The following PPM1L variants were observed in gnomAD, a reference collection of about 807,000 sequenced individuals.
PPM1L encodes the protein protein phosphatase 1L.
Under a neutral mutation model 31.4 loss-of-function variants are expected in PPM1L, and 13 were observed. The ratio of observed to expected loss-of-function variants is 0.41; its 90% CI spans 0.27 to 0.66. PPM1L has a LOEUF of 0.66. Ranked by LOEUF, PPM1L falls within the 30% of genes least tolerant of loss-of-function variation. PPM1L has a pLI of 0.29. For synonymous variants in PPM1L, 184 were observed against 175.4 expected (o/e 1.05, Z -0.39); for missense variants, 326 against 453.7 (o/e 0.72, Z 2.56).
chr3:160,782,646 C>T (rs904013732), intron 1 of PPM1L, among the ~76,000 whole-genome samples: 6 of 152,112 alleles, frequency 3.9e-5, no homozygotes, highest in Admixed American at 3.3e-4. Flanking sequence ...ACATGATTGA[C>T]TTTCTTAAAA....
At chr3:160,807,437 A>T (rs903755055) in intron 1 of PPM1L, among the ~76,000 whole-genome samples, 1 of 152,218 alleles carries the variant, frequency 6.6e-6, no homozygotes, top group Non-Finnish European at 1.5e-5. Context: ...TTTCAAGTGG[A>T]TTATTTTTCA....
chr3:160,867,900 A>T (rs981866888), intron 1 of PPM1L, among the ~76,000 whole-genome samples: 2 of 152,196 alleles, frequency 1.3e-5, no homozygotes, highest in Admixed American at 6.5e-5. Context: ...ATATTTTCAA[A>T]AACTATCAGA....
At chr3:160,760,024 C>G (rs113051481) in intron 1 of PPM1L, among the ~76,000 whole-genome samples, 1 of 152,128 alleles carries the variant, frequency 6.6e-6, no homozygotes, top group Admixed American at 6.5e-5. Context: ...TGGGGCAGCA[C>G]TATTCAAGGG....
At chr3:160,816,261 TTGTGTG>T (rs71147385) in intron 1 of PPM1L, among the ~76,000 whole-genome samples, 4,955 of 147,968 alleles carry the variant, frequency 0.033, 233 homozygotes, top group African/African-American at 0.11. Flanking sequence ...GCAGTTTCAT[TTGTGTG>T]TGTGTGTGTG....
chr3:160,892,689 G>A (rs760342710), intron 1 of PPM1L, among the ~76,000 whole-genome samples: 4 of 151,732 alleles, frequency 2.6e-5, no homozygotes, highest in East Asian at 1.9e-4. Flanking sequence ...AAAGAAATAC[G>A]TTATTTGGCT....
In PPM1L at chr3:160,804,921, G is replaced by A. The variant is rs368036374; in HGVS notation, c.399+48214G>A. On this transcript the variant is annotated intron_variant, in intron 1 of 3. Coordinates refer to ENST00000498165, the MANE Select transcript of PPM1L (RefSeq NM_139245.4). ...GTAAGGGATCTGCCTCCTTCCTCAC[G>A]TTTGGGAAATTGACCTTGGGGAGGA... is the stretch of plus-strand genomic sequence containing the variant. Among the ~76,000 whole-genome samples the A allele has an allele frequency of 1.1e-3, 166 of 152,308 alleles. 2 individuals carry two copies. The highest frequency in any genetic ancestry group is 2.8e-3 in the African/African-American group (118 of 41,546).
intron 1 of PPM1L, among the ~76,000 whole-genome samples, chr3:160,880,050 T>C (rs1712653305): frequency 6.6e-6 from 1 of 152,198 alleles, no homozygotes; most frequent in Non-Finnish European, 1.5e-5. Context: ...TAAAAAGTGC[T>C]ACCTGGTAGC....
At chr3:160,950,569 G>A (rs1576737062) in intron 1 of PPM1L, among the ~76,000 whole-genome samples, 3 of 152,124 alleles carry the variant, frequency 2.0e-5, no homozygotes, top group East Asian at 3.9e-4. Flanking sequence ...GAGCTTCCCT[G>A]CCACCCTGGC....
At chr3:160,999,437 T>A (rs11719452) in intron 2 of PPM1L, among the ~76,000 whole-genome samples, 10,852 of 152,178 alleles carry the variant, frequency 0.071, 572 homozygotes, top group Non-Finnish European at 0.11. Flanking sequence ...GTACCATAGA[T>A]CCCCACCTGG....
intron 1 of PPM1L, among the ~76,000 whole-genome samples, chr3:160,799,370 A>T (rs1326311096): frequency 1.3e-5 from 2 of 152,234 alleles, no homozygotes; most frequent in African/African-American, 4.8e-5. Context: ...GCTTTCAGCA[A>T]TCACCACCTT....
At chr3:160,820,398 G>A (rs1422471604) in intron 1 of PPM1L, among the ~76,000 whole-genome samples, 3 of 152,056 alleles carry the variant, frequency 2.0e-5, no homozygotes, top group African/African-American at 7.2e-5. Context: ...ACATGCAAAA[G>A]GATGTAAAAT....
chr3:160,769,560 C>T (rs1015469646), intron 1 of PPM1L, among the ~76,000 whole-genome samples: 2 of 151,468 alleles, frequency 1.3e-5, no homozygotes, highest in Non-Finnish European at 2.9e-5. Flanking sequence ...TTTTTTTCTC[C>T]GCTGTGTGAA....
chr3:160,773,303 G>T (rs1194116126), intron 1 of PPM1L, among the ~76,000 whole-genome samples: 2 of 152,110 alleles, frequency 1.3e-5, no homozygotes, highest in Non-Finnish European at 2.9e-5. Flanking sequence ...TTTTGAAGAC[G>T]CAGAGAGAAA....
intron 1 of PPM1L, among the ~76,000 whole-genome samples, chr3:160,945,120 T>TATATATATAA (rs1559897807): frequency 6.1e-5 from 1 of 16,284 alleles, no homozygotes; most frequent in African/African-American, 1.8e-4. Context: ...ATGTTATCTA[T>TATATATATAA]CTATCTATCT....
intron 2 of PPM1L, among the ~76,000 whole-genome samples, chr3:161,037,507 C>G (rs1283042826): frequency 1.3e-5 from 2 of 150,670 alleles, no homozygotes; most frequent in Non-Finnish European, 3.0e-5. Flanking sequence ...CTCCACCTCC[C>G]AGGTTCAAGT....
At chr3:160,781,053 ACTTT>A (rs1711734933) in intron 1 of PPM1L, among the ~76,000 whole-genome samples, 1 of 152,044 alleles carries the variant, frequency 6.6e-6, no homozygotes, top group Non-Finnish European at 1.5e-5. Flanking sequence ...TTTATTTTTT[ACTTT>A]CTATGGAAGT....
In PPM1L at chr3:160,993,094, T is replaced by A. The variant is rs143539671; in HGVS notation, c.574+31184T>A. Among the ~76,000 whole-genome samples the A allele has an allele frequency of 8.9e-4, 136 of 152,162 alleles. 1 individual carries two copies. In the East Asian group the frequency reaches 0.025, roughly 28 times the overall value. ...AACAAGGTTTTTTTTTTTTTCTTGGTTTTGTTTTATACATGAGGATATAGA... is the reference window on the plus strand; with the variant it reads ...AACAAGGTTTTTTTTTTTTTCTTGGATTTGTTTTATACATGAGGATATAGA... On this transcript the variant is annotated intron_variant, in intron 2 of 3. Coordinates refer to ENST00000498165, the MANE Select transcript of PPM1L (RefSeq NM_139245.4).
At chr3:161,022,132 ATTTT>A (rs755669333) in intron 2 of PPM1L, 28 of 614,490 alleles carry the variant, frequency 4.6e-5, no homozygotes, top group South Asian at 9.1e-5. Context: ...TTTTAATTCC[ATTTT>A]TTTTTTTTTT....
chr3:160,871,961 T>C (rs1210608718), intron 1 of PPM1L, among the ~76,000 whole-genome samples: 1 of 152,218 alleles, frequency 6.6e-6, no homozygotes, highest in Non-Finnish European at 1.5e-5. Flanking sequence ...TTATTTATCT[T>C]ATCCAGCAGT....
Sources: gnomAD v4.1 joint callset for allele counts (sites outside exome capture counted in the v4.1 genomes callset) on GRCh38, gnomAD v4.1.1 for gene constraint, MANE v1.5 for transcripts, NCBI Gene and HGNC (gene_info 2026-07-23, HGNC 2026-07-21) for gene names.